The following PALM2AKAP2 variants were observed in gnomAD, a reference collection of about 807,000 sequenced individuals.
PALM2AKAP2 encodes PALM2 and AKAP2 fusion, also known as PALM2-AKAP2 fusion protein.
PALM2AKAP2 carries 37 observed loss-of-function variants against 71.5 expected under a neutral mutation model. The observed-to-expected ratio is 0.52, with a 90% CI of 0.40 to 0.68. The LOEUF (loss-of-function observed/expected upper bound fraction) is 0.68. Among genes scored for constraint, PALM2AKAP2 ranks in the 30% least tolerant of loss-of-function variants. The pLI, the probability that PALM2AKAP2 is intolerant of heterozygous loss-of-function variation, is 0.00. For synonymous variants in PALM2AKAP2, 468 were observed against 478.8 expected (o/e 0.98, Z 0.29); for missense variants, 1,224 against 1,191.8 (o/e 1.03, Z -0.40).
At chr9:110,101,465 A>G (rs1315367242) in intron 1 of PALM2AKAP2, among the ~76,000 whole-genome samples, 1 of 152,136 alleles carries the variant, frequency 6.6e-6, no homozygotes, top group East Asian at 1.9e-4. Flanking sequence ...TAATATCAGT[A>G]AGTCTCCATG....
chr9:110,077,259 A>T (rs751199527), intron 1 of PALM2AKAP2, among the ~76,000 whole-genome samples: 4 of 152,196 alleles, frequency 2.6e-5, no homozygotes, highest in Non-Finnish European at 4.4e-5. Flanking sequence ...GCGATACCCT[A>T]TTAGATGTGG....
intron 2 of PALM2AKAP2, among the ~76,000 whole-genome samples, chr9:109,880,148 A>C (rs957138109): frequency 7.2e-5 from 11 of 152,240 alleles, no homozygotes; most frequent in African/African-American, 2.7e-4. Flanking sequence ...AAGTTTTTTA[A>C]TTAAATTACA....
chr9:110,130,603 G>A (rs1330685719), intron 1 of PALM2AKAP2, among the ~76,000 whole-genome samples: 1 of 152,164 alleles, frequency 6.6e-6, no homozygotes, highest in Admixed American at 6.6e-5. Flanking sequence ...ATGCTATGAG[G>A]AAATCTCAGC....
rs776799587 is a variant in PALM2AKAP2, at chr9:109,942,894, G to C, written c.496+10866G>C. ...AATTAAGCACAAAGGATGTAGAAGA[G>C]CTTATTCAGAAGGCTGGACAATCAA... On this transcript the variant is annotated intron_variant, in intron 6 of 9. Transcript: ENST00000302798. The C allele has an allele frequency of 2.5e-6, 4 of 1,614,062 alleles. No homozygotes were observed. In the African/African-American group the frequency reaches 5.3e-5, roughly 22 times the overall value.
chr9:109,876,400 C>T (rs760009079), intron 2 of PALM2AKAP2, among the ~76,000 whole-genome samples: 25 of 152,304 alleles, frequency 1.6e-4, no homozygotes, highest in African/African-American at 2.6e-4. Context: ...TATGCTTTTT[C>T]GGCTTCTTAA....
chr9:109,852,775 T>C (rs1304884645), intron 1 of PALM2AKAP2, among the ~76,000 whole-genome samples: 1 of 152,218 alleles, frequency 6.6e-6, no homozygotes, highest in Non-Finnish European at 1.5e-5. Context: ...TGCATCTCTC[T>C]GATGAATAGT....
Position 109,643,944 on chromosome 9 carries a change from T to C in PALM2AKAP2, c.5+3078T>C, listed in dbSNP as rs139249239. On this transcript the variant is annotated intron_variant, in intron 1 of 6. Transcript: ENST00000374531. ...GGAAGCTTTCAGTCATGGAGAAAGG[T>C]GAAGCAGAAGGCTGGCAAGTTGTAT... Among the ~76,000 whole-genome samples, 341 of 152,024 alleles carry C rather than the reference T, an allele frequency of 2.2e-3. 2 individuals carry two copies. The highest frequency in any genetic ancestry group is 7.9e-3 in the African/African-American group (327 of 41,470).
chr9:109,930,607 C>G (rs1254914391), intron 5 of PALM2AKAP2, among the ~76,000 whole-genome samples: 2 of 152,198 alleles, frequency 1.3e-5, no homozygotes, highest in Non-Finnish European at 2.9e-5. Context: ...ATTGTTCAGA[C>G]TCATTTGCAA....
At chr9:110,168,653 G>T in exon 4 of PALM2AKAP2, 1 of 924,838 alleles carries the variant, frequency 1.1e-6, no homozygotes, top group Non-Finnish European at 1.5e-6. Context: ...TGATGAAAAT[G>T]AAACGAAAAG....
intron 7 of PALM2AKAP2, among the ~76,000 whole-genome samples, chr9:110,039,409 GA>G (rs1833474509): frequency 6.6e-6 from 1 of 152,096 alleles, no homozygotes; most frequent in Non-Finnish European, 1.5e-5. Flanking sequence ...CATGTTTTGG[GA>G]AGGATAAAAT....
intron 2 of PALM2AKAP2, among the ~76,000 whole-genome samples, chr9:109,877,611 C>T (rs1478912197): frequency 1.3e-5 from 2 of 152,182 alleles, no homozygotes; most frequent in South Asian, 2.1e-4. Flanking sequence ...GTAAACATTT[C>T]TATAGTACTA....
chr9:109,970,147 G>GT (rs1172874437), intron 6 of PALM2AKAP2, among the ~76,000 whole-genome samples: 4 of 151,390 alleles, frequency 2.6e-5, no homozygotes, highest in African/African-American at 4.9e-5. Flanking sequence ...ATTAGGTTTT[G>GT]TTTTTTTTCT....
At chr9:110,055,932 A>G (rs1833830170) in intron 1 of PALM2AKAP2, among the ~76,000 whole-genome samples, 1 of 152,166 alleles carries the variant, frequency 6.6e-6, no homozygotes, top group Admixed American at 6.5e-5. Flanking sequence ...TGGCCATCCT[A>G]TCCAAACTCC....
chr9:109,719,587 T>C lies in PALM2AKAP2; in HGVS notation c.6-60901T>C, dbSNP rs991341990. Among the ~76,000 whole-genome samples, 3 of 152,342 alleles carry C rather than the reference T, an allele frequency of 2.0e-5. No homozygotes were observed. The East Asian group carries it at 5.8e-4, about 29-fold the overall frequency. On this transcript the variant is annotated intron_variant, in intron 1 of 6. Transcript: ENST00000374531. ...TTGCTGTGGAAGAGGGTCACCAGTATGAATATTCACTATTGTGATGATGAA... is the reference window on the plus strand; with the variant it reads ...TTGCTGTGGAAGAGGGTCACCAGTACGAATATTCACTATTGTGATGATGAA...
intron 1 of PALM2AKAP2, among the ~76,000 whole-genome samples, chr9:109,800,661 A>C (rs1827401337): frequency 6.6e-6 from 1 of 152,242 alleles, no homozygotes. Flanking sequence ...TAGTACTTGA[A>C]GTAGCGTCTA....
chr9:109,729,006 A>G (rs1410716696), intron 1 of PALM2AKAP2, among the ~76,000 whole-genome samples: 1 of 152,220 alleles, frequency 6.6e-6, no homozygotes, highest in Non-Finnish European at 1.5e-5. Flanking sequence ...AAACTGAGAT[A>G]GTCCTGATGA....
chr9:109,786,559 A>T (rs375855383), intron 1 of PALM2AKAP2, among the ~76,000 whole-genome samples: 2 of 152,220 alleles, frequency 1.3e-5, no homozygotes, highest in African/African-American at 4.8e-5. Context: ...GTGCTGAGGA[A>T]GGGTTCAACT....
chr9:109,790,649 G>A (rs930242962), intron 1 of PALM2AKAP2, among the ~76,000 whole-genome samples: 1 of 152,182 alleles, frequency 6.6e-6, no homozygotes, highest in African/African-American at 2.4e-5. Flanking sequence ...GGTGCCTCTT[G>A]GCTGGGTGGC....
chr9:110,136,481 G>A (rs1835870191), exon 2 of PALM2AKAP2: 2 of 1,614,072 alleles, frequency 1.2e-6, no homozygotes, highest in Admixed American at 3.3e-5. Context: ...CCCAGAGCCT[G>A]GTGCAGTGGT....
Sources: gnomAD v4.1 joint callset for allele counts (sites outside exome capture counted in the v4.1 genomes callset) on GRCh38, gnomAD v4.1.1 for gene constraint, MANE v1.5 for transcripts, NCBI Gene and HGNC (gene_info 2026-07-23, HGNC 2026-07-21) for gene names.